Variants in AFG1L observed in about 807,000 individuals in gnomAD.
AFG1L encodes AFG1 like ATPase, also known as AFG1-like ATPase.
A neutral mutation model predicts 62.2 loss-of-function variants in AFG1L; 53 were observed. That is an observed-to-expected ratio of 0.85 (90% confidence interval 0.68 to 1.07). AFG1L has a LOEUF of 1.07. AFG1L is among the 50% of genes least tolerant of loss of function. The pLI, the probability that AFG1L is intolerant of heterozygous loss-of-function variation, is 0.00. For missense variants in AFG1L, 555 were observed against 590.5 expected (o/e 0.94, Z 0.62); for synonymous variants, 228 against 210.3 (o/e 1.08, Z -0.73).
intron 2 of AFG1L, among the ~76,000 whole-genome samples, chr6:108,339,051 T>C (rs1010435050): frequency 1.8e-4 from 27 of 152,230 alleles, no homozygotes; most frequent in Admixed American, 1.4e-3. Flanking sequence ...ATCTTACCTC[T>C]TGTATTGTGA....
chr6:108,422,507 A>G (rs1330916730), intron 7 of AFG1L, among the ~76,000 whole-genome samples: 3 of 150,394 alleles, frequency 2.0e-5, no homozygotes, highest in Non-Finnish European at 4.4e-5. Context: ...AAAGAAGAAG[A>G]AATGCTCTAT....
At chr6:108,496,043 A>C (rs913581651) in intron 10 of AFG1L, among the ~76,000 whole-genome samples, 5 of 152,216 alleles carry the variant, frequency 3.3e-5, no homozygotes, top group Admixed American at 3.3e-4. Context: ...TTAGTACTCA[A>C]AAGTAATCAT....
chr6:108,388,343 AT>A (rs1780866169), intron 6 of AFG1L, among the ~76,000 whole-genome samples: 1 of 151,824 alleles, frequency 6.6e-6, no homozygotes. Flanking sequence ...GGATTCATTA[AT>A]TTTTTGAAGG....
At chr6:108,377,987 C>T (rs1278461443) in intron 6 of AFG1L, among the ~76,000 whole-genome samples, 1 of 151,062 alleles carries the variant, frequency 6.6e-6, no homozygotes, top group African/African-American at 2.4e-5. Flanking sequence ...CATAATCCCA[C>T]ATTTCTCAAA....
chr6:108,449,638 A>G (rs1393747777), intron 8 of AFG1L, among the ~76,000 whole-genome samples: 7 of 152,102 alleles, frequency 4.6e-5, no homozygotes, highest in African/African-American at 1.7e-4. Context: ...TTTAGGGTAC[A>G]TGTGCACAAC....
rs117777394 is a variant in AFG1L, at chr6:108,411,407, G to C, written c.807+9353G>C. Among the ~76,000 whole-genome samples, 58 of 152,306 alleles carry C rather than the reference G, an allele frequency of 3.8e-4. No homozygotes were observed. The East Asian group carries it at 8.9e-3, about 23-fold the overall frequency. ...AGTCCCTGTCTGACAGCTTTCAAGA[G>C]AGTAGGGGTTCTCCCAGCACGGAGT... is the stretch of plus-strand genomic sequence containing the variant. On this transcript the variant is annotated intron_variant, in intron 7 of 12. Coordinates refer to ENST00000368977, the MANE Select transcript of AFG1L (RefSeq NM_145315.5).
chr6:108,437,601 TTACTA>T (rs1562160988), intron 7 of AFG1L, among the ~76,000 whole-genome samples: 1 of 152,142 alleles, frequency 6.6e-6, no homozygotes, highest in Non-Finnish European at 1.5e-5. Context: ...TAATGGAAAT[TTACTA>T]TAATATAACC....
At chr6:108,295,777 A>G (rs1276158081) in intron 1 of AFG1L, 2 of 152,312 alleles carry the variant, frequency 1.3e-5, no homozygotes, top group African/African-American at 4.8e-5. Context: ...TCATTCAGTT[A>G]TATGTTCATG....
chr6:108,428,012 A>G (rs1009738343), intron 7 of AFG1L, among the ~76,000 whole-genome samples: 1 of 152,208 alleles, frequency 6.6e-6, no homozygotes, highest in African/African-American at 2.4e-5. Context: ...AATGAATTGT[A>G]TAGTGGTGAA....
intron 7 of AFG1L, among the ~76,000 whole-genome samples, chr6:108,423,866 TATC>T (rs1272728578): frequency 4.6e-5 from 7 of 152,132 alleles, no homozygotes; most frequent in Admixed American, 6.6e-5. Context: ...TGGAAATCCT[TATC>T]ATGTATTCCT....
chr6:108,445,747 T>C (rs1331643516), intron 7 of AFG1L, among the ~76,000 whole-genome samples: 1 of 152,008 alleles, frequency 6.6e-6, no homozygotes, highest in East Asian at 1.9e-4. Context: ...CCCTCTTCTA[T>C]GGGTGCAGTT....
rs754203141 is a variant in AFG1L at position 108,355,645 on chromosome 6, A to G, written c.416-9A>G. Reference sequence around the variant, plus strand: ...TAATAGTATTCTTAAAATTTTTTTTATTTTTAAGGTACAGGAAAAACAATG... The same window carrying G: ...TAATAGTATTCTTAAAATTTTTTTTGTTTTTAAGGTACAGGAAAAACAATG... On this transcript the variant is annotated splice_polypyrimidine_tract_variant and intron_variant, in intron 3 of 12. Transcript: ENST00000368977. The G allele has an allele frequency of 6.5e-6, 10 of 1,539,992 alleles. No homozygotes were observed. The Admixed American group carries it at 1.4e-4, about 21-fold the overall frequency.
intron 11 of AFG1L, among the ~76,000 whole-genome samples, chr6:108,518,447 C>T (rs1017124162): frequency 7.4e-6 from 1 of 135,212 alleles, no homozygotes; most frequent in Non-Finnish European, 1.5e-5. Context: ...GGAAATTGAA[C>T]AATGAGAACA....
In AFG1L at chr6:108,433,454, A is replaced by AT. The variant is rs891920435; in HGVS notation, c.808-13750dup. Reference sequence around the variant, plus strand: ...ACCACCACACCCAGCTAATTTTTGTATTTTTTTTTTGGTAGAGACGGGATT... The same window carrying AT: ...ACCACCACACCCAGCTAATTTTTGTATTTTTTTTTTTGGTAGAGACGGGATT... On this transcript the variant is annotated intron_variant, in intron 7 of 12. Transcript: ENST00000368977. 2.1e-4 allele frequency among the ~76,000 whole-genome samples: 31 copies of AT among 146,366 alleles called. No individual in the cohort carries two copies. The South Asian group carries it at 2.2e-3, about 10-fold the overall frequency.
At chr6:108,496,120 A>G (rs1030418300) in intron 10 of AFG1L, among the ~76,000 whole-genome samples, 4 of 152,244 alleles carry the variant, frequency 2.6e-5, no homozygotes, top group African/African-American at 9.6e-5. Context: ...CAAAAAGTGT[A>G]TTATGCTATG....
At chr6:108,301,237 A>G (rs577547206) in intron 1 of AFG1L, among the ~76,000 whole-genome samples, 10 of 152,176 alleles carry the variant, frequency 6.6e-5, no homozygotes, top group African/African-American at 2.4e-4. Flanking sequence ...TATGACTTGT[A>G]TCTTGTGCCA....
At chr6:108,440,718 G>A (rs969017604) in intron 7 of AFG1L, among the ~76,000 whole-genome samples, 1 of 151,676 alleles carries the variant, frequency 6.6e-6, no homozygotes. Flanking sequence ...TACTTGGGAG[G>A]CTGAGGCAGG....
intron 6 of AFG1L, among the ~76,000 whole-genome samples, chr6:108,370,173 A>G (rs908192169): frequency 6.6e-6 from 1 of 152,094 alleles, no homozygotes; most frequent in Non-Finnish European, 1.5e-5. Context: ...TTTTAGCGTA[A>G]TAAGGATTTT....
chr6:108,365,159 T>G (rs376605811), intron 5 of AFG1L, among the ~76,000 whole-genome samples: 30 of 152,274 alleles, frequency 2.0e-4, no homozygotes, highest in East Asian at 9.6e-4. Flanking sequence ...CAAAGAAAGA[T>G]CAAAACATTT....
Sources: allele counts gnomAD v4.1 joint callset (sites outside exome capture counted in the v4.1 genomes callset), GRCh38; gene constraint gnomAD v4.1.1; transcripts MANE v1.5; gene names NCBI Gene and HGNC (gene_info 2026-07-23, HGNC 2026-07-21).